Variants in DNAJC13 observed in about 807,000 individuals in gnomAD.
The protein encoded by DNAJC13 is DnaJ heat shock protein family (Hsp40) member C13, also known as dnaJ homolog subfamily C member 13.
DNAJC13 carries 75 observed loss-of-function variants against 290.5 expected under a neutral mutation model. The observed-to-expected ratio is 0.26, with a 90% CI of 0.21 to 0.31. The LOEUF is 0.31. DNAJC13 is among the 10% of genes least tolerant of loss of function. The probability of loss-of-function intolerance (pLI) is 1.00; values close to 1 mark genes in which losing one functional copy is unlikely to be tolerated. For synonymous variants in DNAJC13, 862 were observed against 892.0 expected (o/e 0.97, Z 0.60); for missense variants, 2,260 against 2,674.5 (o/e 0.85, Z 3.42).
chr3:132,487,559 ATT>A (rs10663131), intron 29 of DNAJC13, among the ~76,000 whole-genome samples: 34 of 110,408 alleles, frequency 3.1e-4, no homozygotes, highest in Admixed American at 4.3e-4. Context: ...CCTGGCTGTA[ATT>A]TTTTTTTTTT....
intron 35 of DNAJC13, among the ~76,000 whole-genome samples, chr3:132,495,750 CAG>C (rs1051894478): frequency 6.6e-6 from 1 of 152,046 alleles, no homozygotes; most frequent in African/African-American, 2.4e-5. Flanking sequence ...GGAAACAGAA[CAG>C]AGACAGTATT....
rs1224356876 is a variant in DNAJC13 at position 132,432,659 on chromosome 3, A to G, written c.-13-1879A>G. 2.0e-5 allele frequency among the ~76,000 whole-genome samples: 3 copies of G among 152,366 alleles called. No homozygotes were observed. In the East Asian group the frequency reaches 5.8e-4, roughly 29 times the overall value. On this transcript the variant is annotated intron_variant, in intron 1 of 55. Transcript: ENST00000260818. ...CAGTCTTTCATTAGCAGCCAGTTCCAACAATTTATCCTGTAAAATTAGCTA... is the reference window on the plus strand; with the variant it reads ...CAGTCTTTCATTAGCAGCCAGTTCCGACAATTTATCCTGTAAAATTAGCTA...
rs1389101271 is a variant in DNAJC13, at chr3:132,500,882, A to G, written c.4505A>G (p.Lys1502Arg). Residue 1502 changes from lysine (K) to arginine (R), a missense_variant, in exon 39 of 56, where the codon AAG becomes AGG. Physicochemically the swap from Lys to Arg is conservative, Grantham distance 26. Around this residue, in one of 3 missense-constraint regions of DNAJC13, gnomAD observed 1,494 missense variants for 1,693.7 expected, o/e 0.88. Transcript: ENST00000260818. ...EKITEMPSII[K>R]DLCRVLYFGK... is the part of the protein sequence containing the mutation. ...ATCACGGAAATGCCTAGCATCATCA[A>G]GGATCTCTGTCGGGTACTATATTTT... The G allele has an allele frequency of 1.2e-6, 2 of 1,614,082 alleles. No individual in the cohort carries two copies. Among genetic ancestry groups the G allele is most frequent in the South Asian group, 1.1e-5 (1 of 91,086 alleles).
chr3:132,487,960 G>A (rs1301467984), intron 29 of DNAJC13, among the ~76,000 whole-genome samples: 2 of 152,100 alleles, frequency 1.3e-5, no homozygotes, highest in Admixed American at 6.5e-5. Flanking sequence ...TCTTGTGTCA[G>A]CTCAGCTGAG....
chr3:132,528,958 A>C (rs1404028831), intron 54 of DNAJC13, among the ~76,000 whole-genome samples: 1 of 151,612 alleles, frequency 6.6e-6, no homozygotes, highest in East Asian at 1.9e-4. Context: ...ATTTTTTTTT[A>C]ATTGACGTGA....
chr3:132,538,333 T>G lies in DNAJC13; in HGVS notation c.*51T>G. 1.4e-6 allele frequency: 2 copies of G among 1,457,056 alleles called. No individual in the cohort carries two copies. Among genetic ancestry groups the G allele is most frequent in the Non-Finnish European group, 9.6e-7 (1 of 1,046,286 alleles). The allele number at this position is 1,457,056 out of a possible 1,614,324, so 90.3% of individuals were successfully genotyped here. Reference sequence around the variant, plus strand: ...TGAAAGGCCAGTGCCAAGTCCACATTCCTCCAGCTGATACGTTGAAGCAAA... The same window carrying G: ...TGAAAGGCCAGTGCCAAGTCCACATGCCTCCAGCTGATACGTTGAAGCAAA... On this transcript the variant is annotated 3_prime_UTR_variant, in exon 56 of 56. Transcript: ENST00000260818.
intron 2 of DNAJC13, among the ~76,000 whole-genome samples, chr3:132,439,610 G>A (rs1488649550): frequency 2.0e-5 from 3 of 151,944 alleles, no homozygotes; most frequent in African/African-American, 7.3e-5. Flanking sequence ...CTCCTTTATC[G>A]GAATCTTATG....
At chr3:132,444,618 T>G (rs1420093007) in intron 2 of DNAJC13, among the ~76,000 whole-genome samples, 1 of 152,262 alleles carries the variant, frequency 6.6e-6, no homozygotes, top group Non-Finnish European at 1.5e-5. Flanking sequence ...AGGAGTTTCA[T>G]GTTTGACTTT....
intron 22 of DNAJC13, among the ~76,000 whole-genome samples, chr3:132,476,706 A>G (rs1409725576): frequency 6.6e-6 from 1 of 152,168 alleles, no homozygotes; most frequent in Non-Finnish European, 1.5e-5. Context: ...TTCTTAGAAA[A>G]CACCAAATTC....
chr3:132,469,472 C>T (rs1934110750), intron 20 of DNAJC13, among the ~76,000 whole-genome samples: 1 of 152,202 alleles, frequency 6.6e-6, no homozygotes, highest in Non-Finnish European at 1.5e-5. Flanking sequence ...CTAGTTAGAG[C>T]TGTTAGCCTG....
At chr3:132,418,656 G>T (rs1220510916) in intron 1 of DNAJC13, among the ~76,000 whole-genome samples, 1 of 152,116 alleles carries the variant, frequency 6.6e-6, no homozygotes, top group Non-Finnish European at 1.5e-5. Context: ...TGTACCTGAT[G>T]CTGTTGCGTC....
At chr3:132,472,047 C>G (rs1359755094) in intron 20 of DNAJC13, among the ~76,000 whole-genome samples, 1 of 149,984 alleles carries the variant, frequency 6.7e-6, no homozygotes, top group African/African-American at 2.4e-5. Context: ...GGGCTGGAGA[C>G]CGGCCCGGCC....
At chr3:132,506,084 T>C (rs1160212522) in intron 42 of DNAJC13, among the ~76,000 whole-genome samples, 1 of 125,590 alleles carries the variant, frequency 8.0e-6, no homozygotes, top group Non-Finnish European at 1.7e-5. Context: ...GGAATTTTGC[T>C]CTTGTTGGCT....
intron 1 of DNAJC13, among the ~76,000 whole-genome samples, chr3:132,433,673 T>G (rs1469401884): frequency 6.6e-6 from 1 of 152,232 alleles, no homozygotes; most frequent in East Asian, 1.9e-4. Flanking sequence ...AAAAAACTTT[T>G]GGAACTGGTT....
At chr3:132,455,590 C>T (rs139243190) in intron 9 of DNAJC13, among the ~76,000 whole-genome samples, 2 of 152,062 alleles carry the variant, frequency 1.3e-5, no homozygotes, top group Non-Finnish European at 2.9e-5. Flanking sequence ...ATATCTAGAT[C>T]AGCCAGTGAA....
At chr3:132,527,843 T>G (rs573583992) in intron 53 of DNAJC13, among the ~76,000 whole-genome samples, 48 of 152,184 alleles carry the variant, frequency 3.2e-4, no homozygotes, top group Non-Finnish European at 4.9e-4. Context: ...ATTAATACAG[T>G]GTTACTAGGG....
Position 132,477,837 on chromosome 3 carries a change from C to T in DNAJC13, c.2494C>T (p.Leu832=). The change falls in exon 23 of 56, where the codon CTG becomes TTG. Residue 832 remains leucine, a synonymous_variant. Coordinates refer to ENST00000260818, the MANE Select transcript of DNAJC13 (RefSeq NM_015268.4). ...AEEIKIGDYY[L]RLLLEEDENE... ...GGAAATTAAAATAGGAGACTATTAC[C>T]TGAGATTACTATTGGAGGAAGATGA... 1 of 1,613,440 alleles carries T rather than the reference C, an allele frequency of 6.2e-7. No individual in the cohort carries two copies. The highest frequency in any genetic ancestry group is 8.5e-7 in the Non-Finnish European group (1 of 1,179,752).
At chr3:132,429,231 C>T (rs1024777302) in intron 1 of DNAJC13, among the ~76,000 whole-genome samples, 1 of 151,798 alleles carries the variant, frequency 6.6e-6, no homozygotes, top group Non-Finnish European at 1.5e-5. Flanking sequence ...AGATAATAAC[C>T]GAAACTAGTT....
intron 31 of DNAJC13, 65 bp downstream of exon 31, chr3:132,489,086 C>A: frequency 7.6e-7 from 1 of 1,313,900 alleles, no homozygotes; most frequent in Non-Finnish European, 1.1e-6. Context: ...ATAAAGTTTC[C>A]TGAGCTGTGT....
Sources: allele counts gnomAD v4.1 joint callset (sites outside exome capture counted in the v4.1 genomes callset), GRCh38; gene constraint gnomAD v4.1.1; regional missense constraint gnomAD v4.1.1; transcripts MANE v1.5; gene names NCBI Gene and HGNC (gene_info 2026-07-23, HGNC 2026-07-21).